ZP3: variants seen among roughly 807,000 people sequenced by gnomAD.
The protein encoded by ZP3 is zona pellucida glycoprotein 3.
A neutral mutation model predicts 35.6 loss-of-function variants in ZP3; 21 were observed. The ratio of observed to expected loss-of-function variants is 0.59; its 90% CI spans 0.42 to 0.85. ZP3 has a LOEUF of 0.85. Ranked by LOEUF, ZP3 falls within the 40% of genes least tolerant of loss-of-function variation. The pLI, the probability that ZP3 is intolerant of heterozygous loss-of-function variation, is 0.00. For missense variants in ZP3, 437 were observed against 536.5 expected (o/e 0.81, Z 1.83); for synonymous variants, 207 against 214.5 (o/e 0.96, Z 0.31).
chr7:76,400,926 A>G (rs1043770445), intron 1 of ZP3: 22 of 1,534,602 alleles, frequency 1.4e-5, no homozygotes, highest in African/African-American at 1.4e-4. Context: ...CTGGTTAGTC[A>G]TCACTTCCTG....
At chr7:76,409,912 A>G (rs983470417) in intron 1 of ZP3, among the ~76,000 whole-genome samples, 14 of 152,112 alleles carry the variant, frequency 9.2e-5, no homozygotes, top group South Asian at 4.1e-4. Flanking sequence ...GTCCCGACCC[A>G]CATCTCAGCT....
intron 2 of ZP3, among the ~76,000 whole-genome samples, chr7:76,430,622 C>A (rs1584062775): frequency 6.6e-6 from 1 of 152,158 alleles, no homozygotes; most frequent in Admixed American, 6.5e-5. Flanking sequence ...GTAATCTCAG[C>A]TACTCAGGAG....
upstream of ZP3, among the ~76,000 whole-genome samples, chr7:76,419,986 G>T (rs1328943297): frequency 6.6e-6 from 1 of 151,964 alleles, no homozygotes; most frequent in Non-Finnish European, 1.5e-5. Context: ...ATTTTTAGTA[G>T]AGATGGGGTT....
At chr7:76,431,480 C>A (rs190371226) in intron 2 of ZP3, among the ~76,000 whole-genome samples, 3 of 152,234 alleles carry the variant, frequency 2.0e-5, no homozygotes, top group Admixed American at 2.0e-4. Context: ...TCCAGCAGAT[C>A]CTATGGGGTT....
At position 76,425,201 on chromosome 7, in the gene ZP3, G is replaced by T; in HGVS notation, c.237G>T (p.Glu79Asp). The T allele has an allele frequency of 1.2e-6, 2 of 1,614,000 alleles. No individual in the cohort carries two copies. The highest frequency in any genetic ancestry group is 1.7e-6 in the Non-Finnish European group (2 of 1,180,020). ...TCACCTTGGGCCCAGAGGCCTGTGA[G>T]CCTCTGGTCTCCATGGACACAGAAG... is the stretch of plus-strand genomic sequence containing the variant. ...ADLTLGPEAC[E>D]PLVSMDTEDV... is the part of the protein sequence containing the mutation. Residue 79 changes from glutamate (E) to aspartate (D), a missense_variant, in exon 1 of 8, where the codon GAG (glutamate) becomes GAT (aspartate). Glu to Asp is a conservative substitution (Grantham distance 45, BLOSUM62 2). This residue lies in a region of ZP3 where 352 missense variants were observed against 308.4 expected (regional missense o/e 1.14). Transcript: ENST00000394857.
chr7:76,402,355 T>C (rs1413515827), intron 1 of ZP3, among the ~76,000 whole-genome samples: 1 of 151,944 alleles, frequency 6.6e-6, no homozygotes, highest in Non-Finnish European at 1.5e-5. Flanking sequence ...AATTTTTATA[T>C]TTTTTAGGTA....
chr7:76,411,252 C>T (rs974599095), intron 1 of ZP3, among the ~76,000 whole-genome samples: 1 of 151,990 alleles, frequency 6.6e-6, no homozygotes, highest in Non-Finnish European at 1.5e-5. Flanking sequence ...GGTTCCTAAG[C>T]AAGCTCTCGT....
At chr7:76,408,093 C>T (rs75224131) in intron 1 of ZP3, among the ~76,000 whole-genome samples, 12,012 of 152,096 alleles carry the variant, frequency 0.079, 659 homozygotes, top group Middle Eastern at 0.17. Context: ...TAGGAGGCGG[C>T]GGTAGAGAGG....
intron 2 of ZP3, among the ~76,000 whole-genome samples, chr7:76,431,114 G>A (rs767955494): frequency 6.6e-6 from 1 of 152,228 alleles, no homozygotes; most frequent in Non-Finnish European, 1.5e-5. Context: ...CCAGCTGGGA[G>A]GCTGGAAAAC....
chr7:76,430,172 T>A (rs1296050880), intron 2 of ZP3, among the ~76,000 whole-genome samples: 1 of 152,038 alleles, frequency 6.6e-6, no homozygotes, highest in Admixed American at 6.6e-5. Context: ...ATTGCACTGC[T>A]GTACTCCATT....
intron 7 of ZP3, among the ~76,000 whole-genome samples, chr7:76,440,946 C>A: frequency 6.6e-6 from 1 of 152,096 alleles, no homozygotes; most frequent in South Asian, 2.1e-4. Context: ...CCAAGGCGGG[C>A]AGGTCACCTG....
intron 3 of ZP3, among the ~76,000 whole-genome samples, 156 bp from the exon 4 acceptor site, chr7:76,433,314 C>T (rs1373661370): frequency 6.6e-5 from 10 of 152,104 alleles, no homozygotes; most frequent in Admixed American, 6.6e-5. Flanking sequence ...GACACCACAC[C>T]CAGCTAACTT....
chr7:76,434,985 G>T (rs1196983439), intron 5 of ZP3, among the ~76,000 whole-genome samples: 1 of 152,214 alleles, frequency 6.6e-6, no homozygotes, highest in African/African-American at 2.4e-5. Flanking sequence ...TGGCTGAGGT[G>T]GGGGAGGGAT....
At chr7:76,438,533 T>G (rs1584074266) in intron 5 of ZP3, among the ~76,000 whole-genome samples, 1 of 49,028 alleles carries the variant, frequency 2.0e-5, no homozygotes, top group African/African-American at 1.7e-4. Context: ...ACAGACTCCG[T>G]CTCAGAAAAA....
At chr7:76,398,859 G>A (rs966757042) in intron 1 of ZP3, 3 of 1,564,626 alleles carry the variant, frequency 1.9e-6, no homozygotes, top group African/African-American at 2.7e-5. Context: ...ACCACGGGGT[G>A]TTTAAGGGGC....
rs754262487 is a variant in ZP3 at position 76,433,565 on chromosome 7, C to A, written c.631C>A (p.Arg211=). ...CCACACTGGCAGCCACGTGCCACTG[C>A]GGTTGTTTGTGGACCACTGCGTGGC... ...EIHTGSHVPL[R]LFVDHCVATP... Residue 211 remains arginine, a synonymous_variant, in exon 4 of 8, where the codon CGG becomes AGG. Transcript: ENST00000394857. 6.2e-6 allele frequency: 10 copies of A among 1,614,066 alleles called. No homozygotes were observed. Among genetic ancestry groups the A allele is most frequent in the Admixed American group, 5.0e-5 (3 of 59,992 alleles).
chr7:76,427,033 A>G (rs1805684219), intron 1 of ZP3, among the ~76,000 whole-genome samples: 1 of 151,646 alleles, frequency 6.6e-6, no homozygotes, highest in Non-Finnish European at 1.5e-5. Flanking sequence ...CCAGCCTGGA[A>G]GGCAGAGCAA....
Position 76,437,381 on chromosome 7 carries a change from G to T in ZP3, c.832-2869G>T, listed in dbSNP as rs1389897730. ...AGTAGAGATGGGGTTTCACTATGTT[G>T]GTCAGGCTGGTCTTAAACTCCTGAC... On this transcript the variant is annotated intron_variant, in intron 5 of 7. Transcript: ENST00000394857. 4.0e-5 allele frequency among the ~76,000 whole-genome samples: 6 copies of T among 151,870 alleles called. No individual in the cohort carries two copies. In the East Asian group the frequency reaches 9.7e-4, roughly 24 times the overall value.
In ZP3 at chr7:76,441,879, C is replaced by A. The variant is rs767383001; in HGVS notation, c.1098C>A (p.Ile366=). ...EEADVTVGPL[I]FLDRRGDHEV... ...CAGATGTCACCGTGGGGCCACTGAT[C>A]TTCCTGGACAGGAGGGGTGACCATG... is the stretch of plus-strand genomic sequence containing the variant. The change falls in exon 8 of 8, where the codon ATC becomes ATA. Residue 366 remains isoleucine (I), a synonymous_variant. Coordinates refer to ENST00000394857, the MANE Select transcript of ZP3 (RefSeq NM_001110354.2). 5 of 1,612,286 alleles carry A rather than the reference C, an allele frequency of 3.1e-6. No homozygotes were observed. Among genetic ancestry groups the A allele is most frequent in the Non-Finnish European group, 3.4e-6 (4 of 1,178,944 alleles).
Sources: gnomAD v4.1 joint callset for allele counts (sites outside exome capture counted in the v4.1 genomes callset) on GRCh38, gnomAD v4.1.1 for gene constraint, gnomAD v4.1.1 regional missense constraint, MANE v1.5 for transcripts, NCBI Gene and HGNC (gene_info 2026-07-23, HGNC 2026-07-21) for gene names.